ZNF521: variants seen among roughly 807,000 people sequenced by gnomAD.
ZNF521 encodes the protein zinc finger protein 521.
Under a neutral mutation model 105.5 loss-of-function variants are expected in ZNF521, and 14 were observed. The ratio of observed to expected loss-of-function variants is 0.13; its 90% CI spans 0.09 to 0.21. The LOEUF is 0.21. Ranked by LOEUF, ZNF521 falls within the 10% of genes least tolerant of loss-of-function variation. The pLI, the probability that ZNF521 is intolerant of heterozygous loss-of-function variation, is 1.00. For synonymous variants in ZNF521, 635 were observed against 606.0 expected (o/e 1.05, Z -0.70); for missense variants, 1,233 against 1,629.7 (o/e 0.76, Z 4.19).
At chr18:25,252,394 C>T (rs1163379499) in intron 3 of ZNF521, among the ~76,000 whole-genome samples, 1 of 152,124 alleles carries the variant, frequency 6.6e-6, no homozygotes, top group African/African-American at 2.4e-5. Flanking sequence ...CCATCTGCTC[C>T]ACAGTTAAAT....
intron 2 of ZNF521, among the ~76,000 whole-genome samples, chr18:25,343,038 T>TA (rs1301117255): frequency 1.3e-5 from 2 of 152,212 alleles, no homozygotes; most frequent in Admixed American, 1.3e-4. Flanking sequence ...TATGGCAAGT[T>TA]ATAGTTTACT....
intron 5 of ZNF521, among the ~76,000 whole-genome samples, chr18:25,179,899 A>G (rs1452688873): frequency 2.0e-5 from 3 of 152,238 alleles, no homozygotes; most frequent in Admixed American, 6.5e-5. Flanking sequence ...ACAAAAATTT[A>G]TCTTTAAAAA....
intron 3 of ZNF521, among the ~76,000 whole-genome samples, chr18:25,259,409 C>G (rs904397014): frequency 1.3e-5 from 2 of 152,112 alleles, no homozygotes; most frequent in Non-Finnish European, 2.9e-5. Context: ...GTTATGGTAT[C>G]AATTTGCTTC....
intron 2 of ZNF521, among the ~76,000 whole-genome samples, chr18:25,328,841 C>A (rs968879708): frequency 6.6e-6 from 1 of 152,190 alleles, no homozygotes; most frequent in East Asian, 1.9e-4. Flanking sequence ...CGTGAGCCAT[C>A]GCGCTGGCCT....
At chr18:25,067,970 G>A (rs117552988) in intron 7 of ZNF521, among the ~76,000 whole-genome samples, 2,011 of 152,256 alleles carry the variant, frequency 0.013, 15 homozygotes, top group South Asian at 0.021. Flanking sequence ...TTTATTTATA[G>A]CCTTTTGTTT....
intron 6 of ZNF521, among the ~76,000 whole-genome samples, chr18:25,091,370 T>A (rs2033742214): frequency 6.6e-6 from 1 of 152,172 alleles, no homozygotes; most frequent in Admixed American, 6.5e-5. Context: ...TGCTATCGTA[T>A]CTGTTAAAAA....
At chr18:25,167,189 T>C (rs1007597053) in intron 5 of ZNF521, among the ~76,000 whole-genome samples, 1 of 152,198 alleles carries the variant, frequency 6.6e-6, no homozygotes, top group Non-Finnish European at 1.5e-5. Context: ...AAAGTTCACC[T>C]GGAAGCCCTG....
At chr18:25,193,994 G>C (rs2035861689) in intron 5 of ZNF521, among the ~76,000 whole-genome samples, 1 of 151,732 alleles carries the variant, frequency 6.6e-6, no homozygotes, top group Non-Finnish European at 1.5e-5. Flanking sequence ...ACATGCTTTT[G>C]AATTTATCTT....
chr18:25,238,803 T>C (rs1289224522), intron 3 of ZNF521, among the ~76,000 whole-genome samples: 1 of 152,132 alleles, frequency 6.6e-6, no homozygotes, highest in East Asian at 1.9e-4. Flanking sequence ...ACCAACTGCT[T>C]GAACTGCCTG....
At chr18:25,065,112 ACAC>A (rs1185604020) in intron 7 of ZNF521, among the ~76,000 whole-genome samples, 1 of 152,232 alleles carries the variant, frequency 6.6e-6, no homozygotes, top group Non-Finnish European at 1.5e-5. Context: ...TACTCAAAAT[ACAC>A]CACATCTAAG....
At chr18:25,152,169 C>T (rs1224368081) in intron 5 of ZNF521, among the ~76,000 whole-genome samples, 1 of 152,116 alleles carries the variant, frequency 6.6e-6, no homozygotes, top group Non-Finnish European at 1.5e-5. Context: ...TAGTACACTA[C>T]AAAGGCAATT....
chr18:25,233,572 A>G (rs1906676415), intron 3 of ZNF521, among the ~76,000 whole-genome samples: 2 of 152,162 alleles, frequency 1.3e-5, no homozygotes, highest in Non-Finnish European at 2.9e-5. Flanking sequence ...TCACCCATTA[A>G]TAACAGCAGC....
chr18:25,175,952 C>T (rs1174168751), intron 5 of ZNF521, among the ~76,000 whole-genome samples: 1 of 152,102 alleles, frequency 6.6e-6, no homozygotes, highest in African/African-American at 2.4e-5. Context: ...TTTATGATAC[C>T]ATTCCTGTAA....
intron 3 of ZNF521, among the ~76,000 whole-genome samples, chr18:25,252,182 G>C (rs2144852717): frequency 6.6e-6 from 1 of 151,930 alleles, no homozygotes; most frequent in East Asian, 1.9e-4. Flanking sequence ...GACTCCTAAG[G>C]GCGGTTCTAT....
intron 3 of ZNF521, among the ~76,000 whole-genome samples, chr18:25,309,659 A>C (rs1912186563): frequency 6.6e-6 from 1 of 152,184 alleles, no homozygotes; most frequent in Non-Finnish European, 1.5e-5. Context: ...TAGAAAATAA[A>C]ATTAGGTATA....
At position 25,322,127 on chromosome 18, in the gene ZNF521, C is replaced by A; in HGVS notation, c.101G>T (p.Arg34Met). 1 of 1,614,222 alleles carries A rather than the reference C, an allele frequency of 6.2e-7. No homozygotes were observed. The highest frequency in any genetic ancestry group is 8.5e-7 in the Non-Finnish European group (1 of 1,180,046). The change falls in exon 3 of 8, where the codon AGG (arginine) becomes ATG (methionine). Residue 34 changes from arginine to methionine, a missense_variant. Coordinates refer to ENST00000361524, the MANE Select transcript of ZNF521 (RefSeq NM_015461.3). ...TTCCAACTCCTCCCCGTCTTCCGGC[C>A]TCTTCTTACAATCTAGTGCCTCTCC... ...EDGEALDCKKRPEDGEELEDE... is the reference protein window; with the variant it reads ...EDGEALDCKKMPEDGEELEDE...
intron 2 of ZNF521, among the ~76,000 whole-genome samples, chr18:25,322,535 C>CAAA (rs71902592): frequency 9.3e-6 from 1 of 107,338 alleles, no homozygotes; most frequent in Admixed American, 1.0e-4. Flanking sequence ...GTCTCCAATG[C>CAAA]AAAAAAAAAA....
At chr18:25,113,963 G>A (rs2034252564) in intron 5 of ZNF521, among the ~76,000 whole-genome samples, 1 of 148,244 alleles carries the variant, frequency 6.7e-6, no homozygotes, top group South Asian at 2.2e-4. Flanking sequence ...ACAGTGTCCT[G>A]AAGGGTAAAC....
At chr18:25,315,107 C>A (rs1314547220) in intron 3 of ZNF521, among the ~76,000 whole-genome samples, 1 of 152,160 alleles carries the variant, frequency 6.6e-6, no homozygotes, top group Non-Finnish European at 1.5e-5. Context: ...ATGAGAGGTT[C>A]TCTGTGCTTT....
Sources: allele counts gnomAD v4.1 joint callset (sites outside exome capture counted in the v4.1 genomes callset), GRCh38; gene constraint gnomAD v4.1.1; transcripts MANE v1.5; gene names NCBI Gene and HGNC (gene_info 2026-07-23, HGNC 2026-07-21).